Variants in PDE5A observed in about 807,000 individuals in gnomAD.
The protein encoded by PDE5A is cGMP-specific 3',5'-cyclic phosphodiesterase.
PDE5A carries 67 observed loss-of-function variants against 110.2 expected under a neutral mutation model. That is an observed-to-expected ratio of 0.61 (90% confidence interval 0.50 to 0.75). The LOEUF (loss-of-function observed/expected upper bound fraction) is 0.75, where lower values mean the gene tolerates loss of function less well. PDE5A is among the 30% of genes least tolerant of loss of function. PDE5A has a pLI of 0.00. For missense variants in PDE5A, 862 were observed against 1,045.1 expected, an observed-to-expected ratio of 0.82 and a Z score of 2.42; for synonymous variants, 328 against 351.2, an observed-to-expected ratio of 0.93 and a Z score of 0.74.
rs762960145 is a variant in PDE5A at position 119,507,575 on chromosome 4, T to C, written c.2189+29A>G. On this transcript the variant is annotated intron_variant, in intron 16 of 20. Coordinates refer to ENST00000354960, the MANE Select transcript of PDE5A (RefSeq NM_001083.4). ...AAACAATGAAAAGACTTCAAATACC[T>C]ATTTCTCAGGTTATTTCTTAAAACT... The C allele has an allele frequency of 3.7e-6, 5 of 1,336,160 alleles. No homozygotes were observed. The African/African-American group carries it at 6.1e-5, about 16-fold the overall frequency. The allele number at this position is 1,336,160 out of a possible 1,614,324, so 82.8% of individuals were successfully genotyped here. A position where few individuals can be genotyped will look rare whatever the true frequency, so the allele number is the denominator to read the frequency against.
At chr4:119,626,402 CA>C (rs1730347156) in intron 1 of PDE5A, among the ~76,000 whole-genome samples, 1 of 152,186 alleles carries the variant, frequency 6.6e-6, no homozygotes, top group African/African-American at 2.4e-5. Flanking sequence ...CCCTAGTTTA[CA>C]TCTTTAAAAG....
At chr4:119,554,666 A>T (rs1255157297) in intron 7 of PDE5A, among the ~76,000 whole-genome samples, 1 of 152,174 alleles carries the variant, frequency 6.6e-6, no homozygotes, top group Non-Finnish European at 1.5e-5. Context: ...AATAAAATAC[A>T]GTTGGCCCTC....
intron 3 of PDE5A, among the ~76,000 whole-genome samples, chr4:119,596,212 C>T (rs1376321330): frequency 6.6e-6 from 1 of 151,874 alleles, no homozygotes; most frequent in African/African-American, 2.4e-5. Context: ...ACATAATATG[C>T]AATGAATTGA....
Position 119,502,598 on chromosome 4 carries a change from GTTC to G in PDE5A, c.2386_2388del (p.Glu796del). ...ATACTTACAGTGGGTTCTATGTTGA[GTTC>G]TTTTCTCTCTCTGTCTCCTTGATCA... On this transcript the variant is annotated inframe_deletion, in exon 19 of 21. Coordinates refer to ENST00000354960, the MANE Select transcript of PDE5A (RefSeq NM_001083.4). 1 of 1,602,598 alleles carries G rather than the reference GTTC, an allele frequency of 6.2e-7. No homozygotes were observed.
intron 1 of PDE5A, among the ~76,000 whole-genome samples, chr4:119,623,675 A>C (rs970182650): frequency 3.3e-5 from 5 of 152,206 alleles, no homozygotes; most frequent in Non-Finnish European, 5.9e-5. Context: ...TTTAAAAAGG[A>C]AATTTGGTTG....
chr4:119,585,617 T>C (rs1025858560), intron 3 of PDE5A, among the ~76,000 whole-genome samples: 1 of 152,194 alleles, frequency 6.6e-6, no homozygotes, highest in Non-Finnish European at 1.5e-5. Context: ...ATGTTCTATA[T>C]AATAAATAAT....
chr4:119,607,295 T>C lies in PDE5A; in HGVS notation c.155A>G (p.Glu52Gly). ...CTCAGCAAACCATGCATTGACCATT[T>C]CTCTGCAGAACAGAACGTGCAGACA... ...FSYFVRKATREMVNAWFAERV... is the reference protein window; with the variant it reads ...FSYFVRKATRGMVNAWFAERV... Residue 52 changes from glutamate to glycine, a missense_variant and splice_region_variant, in exon 2 of 21, where the codon GAA (glutamate) becomes GGA (glycine). By Grantham distance (98) the Glu-to-Gly change is moderately conservative. Coordinates refer to ENST00000354960, the MANE Select transcript of PDE5A (RefSeq NM_001083.4). The C allele has an allele frequency of 6.2e-7, 1 of 1,604,992 alleles. No homozygotes were observed. The highest frequency in any genetic ancestry group is 1.1e-5 in the South Asian group (1 of 90,872).
intron 1 of PDE5A, among the ~76,000 whole-genome samples, chr4:119,624,459 A>T (rs985540067): frequency 6.6e-6 from 1 of 152,224 alleles, no homozygotes; most frequent in African/African-American, 2.4e-5. Flanking sequence ...AACCTCAATT[A>T]ATTCAGCACA....
chr4:119,570,127 C>A (rs966519790), intron 3 of PDE5A, among the ~76,000 whole-genome samples: 2 of 152,154 alleles, frequency 1.3e-5, no homozygotes, highest in African/African-American at 4.8e-5. Flanking sequence ...CAATAAAAGA[C>A]AAATTAACAG....
At chr4:119,626,592 G>A (rs548205625) in intron 1 of PDE5A, among the ~76,000 whole-genome samples, 3 of 152,294 alleles carry the variant, frequency 2.0e-5, no homozygotes, top group African/African-American at 7.2e-5. Context: ...AGAAGGCTGG[G>A]AATGCGCAGA....
chr4:119,496,178 T>G lies in PDE5A; in HGVS notation c.*2423A>C, dbSNP rs186956795. Reference sequence around the variant, plus strand: ...GGCTAAAAATTGTAATTAAATGGTATGTTACTCTGTTATAACTAAACAAAC... The same window carrying G: ...GGCTAAAAATTGTAATTAAATGGTAGGTTACTCTGTTATAACTAAACAAAC... On this transcript the variant is annotated 3_prime_UTR_variant, in exon 21 of 21. Coordinates refer to ENST00000354960, the MANE Select transcript of PDE5A (RefSeq NM_001083.4). 2 of 152,134 alleles carry G rather than the reference T, an allele frequency of 1.3e-5. No individual in the cohort carries two copies. Among genetic ancestry groups the G allele is most frequent in the African/African-American group, 4.8e-5 (2 of 41,434 alleles). The allele number at this position is 152,134 out of a possible 1,614,324, so 9.4% of individuals were successfully genotyped here. A position where few individuals can be genotyped will look rare whatever the true frequency, so the allele number is the denominator to read the frequency against.
At chr4:119,509,641 T>C (rs887885574) in intron 15 of PDE5A, among the ~76,000 whole-genome samples, 3 of 152,072 alleles carry the variant, frequency 2.0e-5, no homozygotes, top group African/African-American at 7.2e-5. Context: ...TATAGTATAC[T>C]GATACCATTC....
At chr4:119,506,566 G>C (rs757285707) in intron 16 of PDE5A, among the ~76,000 whole-genome samples, 1 of 151,678 alleles carries the variant, frequency 6.6e-6, no homozygotes, top group Non-Finnish European at 1.5e-5. Context: ...TAATAAAACT[G>C]ATAGTATATG....
At chr4:119,580,015 G>C (rs1259411379) in intron 3 of PDE5A, among the ~76,000 whole-genome samples, 2 of 152,150 alleles carry the variant, frequency 1.3e-5, no homozygotes, top group Admixed American at 6.5e-5. Flanking sequence ...TGTGCTATTA[G>C]GGAGGACGTC....
chr4:119,528,683 T>C (rs1726415336), intron 11 of PDE5A: 1 of 152,138 alleles, frequency 6.6e-6, no homozygotes, highest in South Asian at 2.1e-4. Flanking sequence ...TGGAGTAGAC[T>C]ATCTCTAAGG....
At chr4:119,505,809 T>G (rs760868561) in intron 17 of PDE5A, 46 bp downstream of exon 17, 1 of 1,097,878 alleles carries the variant, frequency 9.1e-7, no homozygotes, top group South Asian at 1.5e-5. Flanking sequence ...GTGAGAAAAT[T>G]AACTGGGTAA....
chr4:119,560,365 TA>T lies in PDE5A; in HGVS notation c.1132-3del. The T allele has an allele frequency of 1.3e-6, 2 of 1,580,120 alleles. No individual in the cohort carries two copies. Among genetic ancestry groups the T allele is most frequent in the African/African-American group, 1.3e-5 (1 of 74,144 alleles). ...GTGAAACACACTAGAAAAAGAATCC[TA>T]AAAACAGACAACACAGGCTGAGAAA... is the stretch of plus-strand genomic sequence containing the variant. On this transcript the variant is annotated splice_region_variant and splice_polypyrimidine_tract_variant and intron_variant, in intron 6 of 20. Transcript: ENST00000354960.
intron 10 of PDE5A, among the ~76,000 whole-genome samples, chr4:119,539,346 T>G (rs577418195): frequency 1.6e-4 from 22 of 136,104 alleles, no homozygotes; most frequent in African/African-American, 5.7e-4. Flanking sequence ...ATTTATTTTG[T>G]TTTTTTTTTT....
chr4:119,607,082 C>G lies in PDE5A; in HGVS notation c.368G>C (p.Ser123Thr). 1 of 1,614,138 alleles carries G rather than the reference C, an allele frequency of 6.2e-7. No homozygotes were observed. The change falls in exon 2 of 21, where the codon AGC becomes ACC. Residue 123 changes from serine to threonine, a missense_variant. Ser to Thr is a moderately conservative substitution (Grantham distance 58, BLOSUM62 1). Transcript: ENST00000354960. Reference protein sequence around the residue: ...IVVKDSEGTVSFLSDSEKKEQ... With the variant: ...IVVKDSEGTVTFLSDSEKKEQ... ...CTTCTTTTCTGAGTCAGAGAGGAAGCTCACAGTTCCCTCAGAATCCTTGAC... is the reference window on the plus strand; with the variant it reads ...CTTCTTTTCTGAGTCAGAGAGGAAGGTCACAGTTCCCTCAGAATCCTTGAC...
Sources: gnomAD v4.1 joint callset for allele counts (sites outside exome capture counted in the v4.1 genomes callset) on GRCh38, gnomAD v4.1.1 for gene constraint, MANE v1.5 for transcripts, NCBI Gene and HGNC (gene_info 2026-07-23, HGNC 2026-07-21) for gene names.